Variants in RGS8 observed in about 807,000 individuals in gnomAD.
RGS8 encodes regulator of G-protein signaling 8.
Under a neutral mutation model 21.7 loss-of-function variants are expected in RGS8, and 8 were observed. The ratio of observed to expected loss-of-function variants is 0.37; its 90% CI spans 0.22 to 0.66. The LOEUF is 0.66. Among genes scored for constraint, RGS8 ranks in the 30% least tolerant of loss-of-function variants. RGS8 has a pLI of 0.59. For synonymous variants in RGS8, 80 were observed against 83.6 expected (o/e 0.96, Z 0.24); for missense variants, 157 against 217.9 (o/e 0.72, Z 1.76).
At chr1:182,736,771 G>A in the RGS8 span, among the ~76,000 whole-genome samples, 1 of 152,274 alleles carries the variant, frequency 6.6e-6, no homozygotes, top group South Asian at 2.1e-4. Flanking sequence ...TCAGAGAATA[G>A]GTTCTAAAAC....
the RGS8 span, among the ~76,000 whole-genome samples, chr1:182,751,286 A>G: frequency 1.3e-5 from 2 of 152,250 alleles, no homozygotes; most frequent in African/African-American, 4.8e-5. Context: ...TTTAAAATAA[A>G]TTATGCAATC....
the RGS8 span, among the ~76,000 whole-genome samples, chr1:182,721,016 CACATATATATGTGTGTATAT>C: frequency 0.27 from 20,326 of 75,082 alleles, 3,175 homozygotes; most frequent in African/African-American, 0.31. Flanking sequence ...TACATATATA[CACATATATATGTGTGTATAT>C]ATACATATAC....
At chr1:182,697,592 TAAG>T in the RGS8 span, among the ~76,000 whole-genome samples, 5 of 152,188 alleles carry the variant, frequency 3.3e-5, no homozygotes, top group Non-Finnish European at 4.4e-5. Flanking sequence ...GCAGACCACA[TAAG>T]AAGAACCCTT....
At chr1:182,666,655 G>GAA (rs79757491) in intron 4 of RGS8, among the ~76,000 whole-genome samples, 12 of 119,762 alleles carry the variant, frequency 1.0e-4, no homozygotes, top group East Asian at 2.4e-4. Flanking sequence ...GCTTACTTAG[G>GAA]AAAAAAAAAA....
At chr1:182,685,934 C>A (rs1375348759), upstream of RGS8, among the ~76,000 whole-genome samples, 1 of 152,076 alleles carries the variant, frequency 6.6e-6, no homozygotes, top group East Asian at 1.9e-4. Flanking sequence ...GACTCCAATG[C>A]ATGGAGAAGT....
the RGS8 span, among the ~76,000 whole-genome samples, chr1:182,706,140 G>A: frequency 2.0e-5 from 3 of 151,800 alleles, no homozygotes; most frequent in South Asian, 2.1e-4. Context: ...GCACTACTAC[G>A]CCCAGCTCAT....
At chr1:182,662,469 C>T (rs1261952406) in intron 5 of RGS8, among the ~76,000 whole-genome samples, 2 of 152,200 alleles carry the variant, frequency 1.3e-5, no homozygotes, top group Admixed American at 6.5e-5. Context: ...TTGAGAGATC[C>T]TATCCCGATC....
At chr1:182,678,909 G>A (rs1664454507) in intron 1 of RGS8, among the ~76,000 whole-genome samples, 1 of 151,978 alleles carries the variant, frequency 6.6e-6, no homozygotes, top group Non-Finnish European at 1.5e-5. Context: ...GATCATCAAG[G>A]CCTCAGGTAT....
At chr1:182,746,699 GGAAA>G in the RGS8 span, among the ~76,000 whole-genome samples, 7 of 148,714 alleles carry the variant, frequency 4.7e-5, no homozygotes, top group African/African-American at 1.2e-4. Flanking sequence ...AAGGAAGGAA[GGAAA>G]GAAAGAGAGA....
At chr1:182,658,144 A>G (rs1663375852) in intron 5 of RGS8, among the ~76,000 whole-genome samples, 1 of 152,204 alleles carries the variant, frequency 6.6e-6, no homozygotes, top group African/African-American at 2.4e-5. Context: ...CATCTACCTG[A>G]GCATCCACAG....
At chr1:182,731,339 GT>G in the RGS8 span, among the ~76,000 whole-genome samples, 1 of 152,194 alleles carries the variant, frequency 6.6e-6, no homozygotes, top group African/African-American at 2.4e-5. Context: ...GCAATTGGCA[GT>G]TGGATTATAT....
At chr1:182,652,864 C>A (rs1663089175) in intron 5 of RGS8, among the ~76,000 whole-genome samples, 1 of 151,744 alleles carries the variant, frequency 6.6e-6, no homozygotes, top group Admixed American at 6.6e-5. Context: ...GAGAGGGCAG[C>A]TAAGCAAGGG....
the RGS8 span, among the ~76,000 whole-genome samples, chr1:182,712,611 C>A: frequency 2.6e-5 from 4 of 152,116 alleles, no homozygotes; most frequent in South Asian, 2.1e-4. Context: ...ATAAACAATA[C>A]CCTTTAGGAT....
chr1:182,726,326 G>A, the RGS8 span, among the ~76,000 whole-genome samples: 5 of 152,126 alleles, frequency 3.3e-5, no homozygotes, highest in Non-Finnish European at 5.9e-5. Flanking sequence ...TCTAGGAGTA[G>A]AGATAGGTCT....
the RGS8 span, among the ~76,000 whole-genome samples, chr1:182,695,567 C>T: frequency 6.6e-6 from 1 of 152,174 alleles, no homozygotes; most frequent in South Asian, 2.1e-4. Context: ...AGCAAATCTC[C>T]CACCTCAGCC....
the RGS8 span, chr1:182,734,549 T>C: frequency 6.6e-6 from 1 of 152,368 alleles, no homozygotes; most frequent in African/African-American, 2.4e-5. Context: ...TGTCCTTCTT[T>C]GACTTTGTAG....
the RGS8 span, among the ~76,000 whole-genome samples, chr1:182,724,201 G>GATAT: frequency 0.016 from 670 of 41,936 alleles, 16 homozygotes; most frequent in Non-Finnish European, 0.022. Context: ...GGCTAGACTG[G>GATAT]ATATATATAT....
chr1:182,744,787 T>G, the RGS8 span, among the ~76,000 whole-genome samples: 1 of 152,248 alleles, frequency 6.6e-6, no homozygotes, highest in East Asian at 1.9e-4. Context: ...AATATATTGC[T>G]GTCATTAAAC....
At chr1:182,685,898 T>C (rs1200899767), upstream of RGS8, among the ~76,000 whole-genome samples, 1 of 151,954 alleles carries the variant, frequency 6.6e-6, no homozygotes, top group Admixed American at 6.6e-5. Context: ...GGTGACCCAG[T>C]GGAGGAGAGA....
Sources: allele counts gnomAD v4.1 joint callset (sites outside exome capture counted in the v4.1 genomes callset), GRCh38; gene constraint gnomAD v4.1.1; transcripts MANE v1.5; gene names NCBI Gene and HGNC (gene_info 2026-07-23, HGNC 2026-07-21).